CLSTN2: variants seen among roughly 807,000 people sequenced by gnomAD.
CLSTN2 encodes calsyntenin-2.
In CLSTN2, 48 loss-of-function variants were observed where a neutral mutation model predicts 101.2. The observed-to-expected ratio is 0.47, with a 90% CI of 0.38 to 0.60. CLSTN2 has a LOEUF of 0.60. Ranked by LOEUF, CLSTN2 falls within the 20% of genes least tolerant of loss-of-function variation. CLSTN2 has a pLI of 0.00. For missense variants in CLSTN2, 1,160 were observed against 1,238.2 expected, an observed-to-expected ratio of 0.94 and a Z score of 0.95; for synonymous variants, 481 against 463.6, an observed-to-expected ratio of 1.04 and a Z score of -0.48.
chr3:140,487,619 T>G (rs999948149), intron 8 of CLSTN2, among the ~76,000 whole-genome samples: 1 of 152,264 alleles, frequency 6.6e-6, no homozygotes, highest in African/African-American at 2.4e-5. Context: ...TAATTTCTTA[T>G]GTGTTCATGG....
In CLSTN2 at chr3:140,089,579, GTTTTATTTATTT is replaced by G. The variant is rs2008740163; in HGVS notation, c.110-86371_110-86360del. ...CTATTTTGGTCTTCCTTTTCAGCTG[GTTTTATTTATTT>G]ATTTATTTATTTATTTATTTATTTA... On this transcript the variant is annotated intron_variant, in intron 1 of 16. Transcript: ENST00000458420. Among the ~76,000 whole-genome samples the G allele has an allele frequency of 2.1e-5, 3 of 145,696 alleles. No individual in the cohort carries two copies. In the South Asian group the frequency reaches 6.5e-4, roughly 32 times the overall value.
intron 1 of CLSTN2, among the ~76,000 whole-genome samples, chr3:140,004,067 A>T (rs2006906769): frequency 6.6e-6 from 1 of 152,208 alleles, no homozygotes; most frequent in Non-Finnish European, 1.5e-5. Flanking sequence ...TTCCTCTATT[A>T]GGCAGATAGA....
intron 2 of CLSTN2, among the ~76,000 whole-genome samples, chr3:140,353,013 C>T (rs974776435): frequency 2.6e-5 from 4 of 152,048 alleles, no homozygotes; most frequent in Admixed American, 2.0e-4. Flanking sequence ...ATTCCCTTAA[C>T]AATATAGCAT....
At chr3:139,959,936 A>T (rs560993807) in intron 1 of CLSTN2, among the ~76,000 whole-genome samples, 1 of 152,206 alleles carries the variant, frequency 6.6e-6, no homozygotes, top group East Asian at 1.9e-4. Flanking sequence ...CTACCAGCTT[A>T]TTCTCCTGTG....
intron 1 of CLSTN2, among the ~76,000 whole-genome samples, chr3:140,115,365 T>C (rs1185796603): frequency 1.3e-5 from 2 of 152,104 alleles, no homozygotes; most frequent in African/African-American, 2.4e-5. Context: ...AATCGTGAAA[T>C]ACAAGACAGC....
chr3:140,512,220 A>T (rs56167447), intron 8 of CLSTN2, among the ~76,000 whole-genome samples: 1 of 152,102 alleles, frequency 6.6e-6, no homozygotes, highest in Non-Finnish European at 1.5e-5. Context: ...GCCCATGCCT[A>T]TGTCCTGAAT....
At chr3:140,297,321 A>G (rs995511969) in intron 2 of CLSTN2, among the ~76,000 whole-genome samples, 1 of 152,198 alleles carries the variant, frequency 6.6e-6, no homozygotes, top group Non-Finnish European at 1.5e-5. Flanking sequence ...GCTTGGGAAC[A>G]GGGGCAAAGG....
At chr3:139,961,807 A>C (rs1935515841) in intron 1 of CLSTN2, among the ~76,000 whole-genome samples, 1 of 152,186 alleles carries the variant, frequency 6.6e-6, no homozygotes, top group Non-Finnish European at 1.5e-5. Flanking sequence ...ATTAAAAATG[A>C]ATGATAACCC....
At chr3:140,118,526 C>T (rs140536592) in intron 1 of CLSTN2, among the ~76,000 whole-genome samples, 15 of 152,156 alleles carry the variant, frequency 9.9e-5, no homozygotes, top group South Asian at 4.2e-4. Flanking sequence ...CTTTCACTGT[C>T]GACAGTGGTT....
Position 140,287,418 on chromosome 3 carries a change from TG to T in CLSTN2, c.232+111350del, listed in dbSNP as rs149200286. Among the ~76,000 whole-genome samples, 1,142 of 152,226 alleles carry T rather than the reference TG, an allele frequency of 7.5e-3. 13 individuals are homozygous for T. The highest frequency in any genetic ancestry group is 0.026 in the African/African-American group (1,064 of 41,540). ...TTGTACAGGGACAGGAGGAAGCTTT[TG>T]GGGGAAAGAAGAATTCTTGTTATCT... On this transcript the variant is annotated intron_variant, in intron 2 of 16. Coordinates refer to ENST00000458420, the MANE Select transcript of CLSTN2 (RefSeq NM_022131.3).
intron 2 of CLSTN2, among the ~76,000 whole-genome samples, chr3:140,250,769 T>G (rs1464563018): frequency 6.6e-6 from 1 of 152,158 alleles, no homozygotes; most frequent in Non-Finnish European, 1.5e-5. Context: ...ATCACTTTTT[T>G]CCCCCAAACT....
chr3:140,069,607 C>T (rs1277912521), intron 1 of CLSTN2, among the ~76,000 whole-genome samples: 1 of 152,196 alleles, frequency 6.6e-6, no homozygotes, highest in African/African-American at 2.4e-5. Flanking sequence ...ATCCCTATAG[C>T]CATGCTTGGG....
intron 1 of CLSTN2, among the ~76,000 whole-genome samples, chr3:140,128,509 A>G (rs910658225): frequency 2.6e-5 from 4 of 152,192 alleles, no homozygotes; most frequent in Non-Finnish European, 5.9e-5. Flanking sequence ...GGGTAGTGTG[A>G]TAGTCTGGGG....
intron 2 of CLSTN2, among the ~76,000 whole-genome samples, chr3:140,373,326 G>A (rs1243410857): frequency 1.3e-5 from 2 of 152,174 alleles, no homozygotes; most frequent in African/African-American, 4.8e-5. Flanking sequence ...GCTGAGATCA[G>A]CCATTAGAGA....
intron 2 of CLSTN2, among the ~76,000 whole-genome samples, chr3:140,199,102 C>A (rs2010685741): frequency 6.6e-6 from 1 of 152,130 alleles, no homozygotes; most frequent in Admixed American, 6.5e-5. Flanking sequence ...GTGTCAGGGC[C>A]AGAAGATGGA....
intron 1 of CLSTN2, among the ~76,000 whole-genome samples, chr3:140,080,297 T>C (rs2008574550): frequency 6.6e-6 from 1 of 152,218 alleles, no homozygotes; most frequent in African/African-American, 2.4e-5. Context: ...TTCACTACTC[T>C]TTGTCTTCAA....
intron 1 of CLSTN2, among the ~76,000 whole-genome samples, chr3:140,013,831 C>T (rs2007139666): frequency 6.6e-6 from 1 of 152,192 alleles, no homozygotes; most frequent in Admixed American, 6.5e-5. Context: ...GCAGCCTCCA[C>T]CTCTTGAATG....
intron 2 of CLSTN2, among the ~76,000 whole-genome samples, chr3:140,185,740 C>G (rs945430881): frequency 6.6e-6 from 1 of 152,128 alleles, no homozygotes; most frequent in Non-Finnish European, 1.5e-5. Flanking sequence ...GGTGAAGCTT[C>G]CATAACATGC....
At chr3:140,419,034 TAAAAAAAAAA>T (rs2088463736) in intron 4 of CLSTN2, among the ~76,000 whole-genome samples, 1 of 150,832 alleles carries the variant, frequency 6.6e-6, no homozygotes, top group Non-Finnish European at 1.5e-5. Context: ...GACCTTTTTT[TAAAAAAAAAA>T]TCTTTCAAGC....
Sources: allele counts gnomAD v4.1 joint callset (sites outside exome capture counted in the v4.1 genomes callset), GRCh38; gene constraint gnomAD v4.1.1; transcripts MANE v1.5; gene names NCBI Gene and HGNC (gene_info 2026-07-23, HGNC 2026-07-21).